The following PRKCE variants were observed in gnomAD, a reference collection of about 807,000 sequenced individuals.
PRKCE encodes the protein protein kinase C epsilon type.
In PRKCE, 16 loss-of-function variants were observed where a neutral mutation model predicts 85.4. The ratio of observed to expected loss-of-function variants is 0.19; its 90% CI spans 0.13 to 0.28. The LOEUF is 0.28. PRKCE is among the 10% of genes least tolerant of loss of function. PRKCE has a pLI of 1.00. For missense variants in PRKCE, 573 were observed against 975.2 expected, an observed-to-expected ratio of 0.59 and a Z score of 5.49; for synonymous variants, 388 against 371.5, an observed-to-expected ratio of 1.04 and a Z score of -0.51.
Position 45,935,067 on chromosome 2 carries a change from T to TCACACACACACA in PRKCE, c.413-41347_413-41336dup, listed in dbSNP as rs1553453521. On this transcript the variant is annotated intron_variant, in intron 2 of 14. Coordinates refer to ENST00000306156, the MANE Select transcript of PRKCE (RefSeq NM_005400.3). ...CAAAGCGAGACACTCACTCTCTCTC[T>TCACACACACACA]CACACACACACACACACACACACAC... 7.0e-3 allele frequency among the ~76,000 whole-genome samples: 1,022 copies of TCACACACACACA among 146,338 alleles called. 10 individuals carry two copies. Among genetic ancestry groups the TCACACACACACA allele is most frequent in the African/African-American group, 0.024 (945 of 39,192 alleles).
rs143859202 is a variant in PRKCE at position 45,947,040 on chromosome 2, C to A, written c.413-29389C>A. 1.9e-3 allele frequency among the ~76,000 whole-genome samples: 285 copies of A among 152,338 alleles called. 2 individuals are homozygous for A. Among genetic ancestry groups the A allele is most frequent in the African/African-American group, 6.4e-3 (267 of 41,588 alleles). ...ATCAGAATAGGCTAGACAGAAAACT[C>A]TCTCAACCTCTCTCCATCACCTGGT... On this transcript the variant is annotated intron_variant, in intron 2 of 14. Transcript: ENST00000306156.
chr2:46,134,827 G>A (rs1464813855), intron 11 of PRKCE, among the ~76,000 whole-genome samples: 1 of 152,240 alleles, frequency 6.6e-6, no homozygotes, highest in African/African-American at 2.4e-5. Flanking sequence ...TGTCACGACG[G>A]ATCGTCAGGC....
intron 1 of PRKCE, among the ~76,000 whole-genome samples, chr2:45,792,100 C>G (rs1415643907): frequency 6.6e-6 from 1 of 152,160 alleles, no homozygotes; most frequent in Admixed American, 6.5e-5. Flanking sequence ...GCTCCAGAAG[C>G]CTGGTGCTGG....
intron 11 of PRKCE, among the ~76,000 whole-genome samples, chr2:46,123,189 A>G (rs952869922): frequency 2.2e-5 from 3 of 138,548 alleles, no homozygotes; most frequent in Non-Finnish European, 4.6e-5. Flanking sequence ...AGGAAAGGAA[A>G]AGCTTTACAA....
chr2:45,922,518 A>G (rs952774505), intron 2 of PRKCE, among the ~76,000 whole-genome samples: 5 of 151,996 alleles, frequency 3.3e-5, no homozygotes, highest in African/African-American at 1.2e-4. Flanking sequence ...CTCATTTTGA[A>G]TTCTTCCTTT....
intron 2 of PRKCE, among the ~76,000 whole-genome samples, chr2:45,889,108 AG>A (rs1695517504): frequency 6.6e-6 from 1 of 152,264 alleles, no homozygotes; most frequent in Admixed American, 6.5e-5. Flanking sequence ...ATGGTGTTAC[AG>A]AGAAGGAACT....
At chr2:45,750,990 T>G (rs1683513447) in intron 1 of PRKCE, among the ~76,000 whole-genome samples, 1 of 152,190 alleles carries the variant, frequency 6.6e-6, no homozygotes, top group Non-Finnish European at 1.5e-5. Flanking sequence ...TAAGGCCCTC[T>G]GCATCTCACT....
At chr2:45,754,337 T>C (rs943024655) in intron 1 of PRKCE, among the ~76,000 whole-genome samples, 1 of 152,252 alleles carries the variant, frequency 6.6e-6, no homozygotes, top group Non-Finnish European at 1.5e-5. Context: ...TGTGAATATG[T>C]AACTGTTAGA....
intron 1 of PRKCE, among the ~76,000 whole-genome samples, chr2:45,714,237 G>T (rs1213982371): frequency 6.6e-6 from 1 of 152,186 alleles, no homozygotes; most frequent in African/African-American, 2.4e-5. Context: ...AGAACACATA[G>T]AAAGGGTACT....
chr2:45,708,475 A>C (rs1338753964), intron 1 of PRKCE, among the ~76,000 whole-genome samples: 2 of 152,072 alleles, frequency 1.3e-5, no homozygotes, highest in African/African-American at 4.8e-5. Flanking sequence ...GCCTCATGAG[A>C]TCTGATGGTT....
intron 1 of PRKCE, among the ~76,000 whole-genome samples, chr2:45,828,217 A>C (rs1482479907): frequency 6.6e-6 from 1 of 152,204 alleles, no homozygotes; most frequent in African/African-American, 2.4e-5. Context: ...CATATAGAGG[A>C]GATTCGATCA....
chr2:46,104,785 A>C (rs1671560905), intron 11 of PRKCE, among the ~76,000 whole-genome samples: 1 of 152,260 alleles, frequency 6.6e-6, no homozygotes, highest in South Asian at 2.1e-4. Flanking sequence ...AATGAAACCA[A>C]TCTAGAAAAA....
At chr2:45,908,958 G>A (rs190657697) in intron 2 of PRKCE, among the ~76,000 whole-genome samples, 1 of 152,208 alleles carries the variant, frequency 6.6e-6, no homozygotes, top group African/African-American at 2.4e-5. Context: ...ATGTCTAATC[G>A]ATTGGCCACT....
intron 11 of PRKCE, among the ~76,000 whole-genome samples, chr2:46,118,316 G>A (rs887684116): frequency 6.6e-6 from 1 of 152,188 alleles, no homozygotes; most frequent in African/African-American, 2.4e-5. Flanking sequence ...GGGACACGGT[G>A]GAGAAAGAAA....
At chr2:45,985,979 T>C (rs558175176) in intron 6 of PRKCE, among the ~76,000 whole-genome samples, 1 of 152,294 alleles carries the variant, frequency 6.6e-6, no homozygotes, top group Non-Finnish European at 1.5e-5. Flanking sequence ...CCAGGGTAAG[T>C]ACATTGAGTA....
intron 10 of PRKCE, among the ~76,000 whole-genome samples, chr2:46,012,690 G>A (rs1705788153): frequency 6.6e-6 from 1 of 152,214 alleles, no homozygotes; most frequent in African/African-American, 2.4e-5. Context: ...CCTGTACGTG[G>A]TGGATCATGG....
chr2:46,016,878 C>G (rs1278590005), intron 10 of PRKCE, among the ~76,000 whole-genome samples: 1 of 146,162 alleles, frequency 6.8e-6, no homozygotes, highest in African/African-American at 2.6e-5. Context: ...CACTGCACTC[C>G]AGCCTGGGGC....
intron 14 of PRKCE, among the ~76,000 whole-genome samples, chr2:46,161,444 G>A (rs1677748957): frequency 6.6e-6 from 1 of 152,220 alleles, no homozygotes. Flanking sequence ...AAGCTGAGGG[G>A]ATTATCAGTG....
chr2:45,904,306 T>C (rs1312909410), intron 2 of PRKCE, among the ~76,000 whole-genome samples: 3 of 151,886 alleles, frequency 2.0e-5, no homozygotes, highest in Non-Finnish European at 4.4e-5. Context: ...CGAGAAGTCT[T>C]GAAACCAAAA....
Sources: gnomAD v4.1 joint callset for allele counts (sites outside exome capture counted in the v4.1 genomes callset) on GRCh38, gnomAD v4.1.1 for gene constraint, MANE v1.5 for transcripts, NCBI Gene and HGNC (gene_info 2026-07-23, HGNC 2026-07-21) for gene names.